Variants in WWTR1 observed in about 807,000 individuals in gnomAD.
WWTR1 encodes the protein WW domain-containing transcription regulator protein 1.
Under a neutral mutation model 40.1 loss-of-function variants are expected in WWTR1, and 13 were observed. That is an observed-to-expected ratio of 0.32 (90% CI 0.21 to 0.52). The LOEUF is 0.52. Among genes scored for constraint, WWTR1 ranks in the 20% least tolerant of loss-of-function variants. The pLI, the probability that WWTR1 is intolerant of heterozygous loss-of-function variation, is 0.97. For synonymous variants in WWTR1, 230 were observed against 210.1 expected (o/e 1.09, Z -0.82); for missense variants, 436 against 523.1 (o/e 0.83, Z 1.63).
At chr3:149,674,682 T>C (rs1714203825) in intron 1 of WWTR1, among the ~76,000 whole-genome samples, 1 of 152,180 alleles carries the variant, frequency 6.6e-6, no homozygotes, top group Non-Finnish European at 1.5e-5. Flanking sequence ...TACACCTCCT[T>C]AGAAAGTTAC....
chr3:149,723,613 A>G (rs1404260624), intron 4 of WWTR1, among the ~76,000 whole-genome samples: 4 of 152,148 alleles, frequency 2.6e-5, no homozygotes, highest in Non-Finnish European at 5.9e-5. Context: ...CTGGGTATAC[A>G]TGATGATTTT....
intron 2 of WWTR1, among the ~76,000 whole-genome samples, chr3:149,607,213 T>C (rs537037912): frequency 1.8e-4 from 27 of 152,332 alleles, no homozygotes; most frequent in Non-Finnish European, 3.2e-4. Context: ...ATGTGAAATC[T>C]TTTTTTATGA....
At chr3:149,704,849 A>T (rs1011040002), upstream of WWTR1, among the ~76,000 whole-genome samples, 3 of 139,812 alleles carry the variant, frequency 2.1e-5, no homozygotes, top group Non-Finnish European at 4.8e-5. Context: ...CACAAAAGTT[A>T]AAAAAAAAAA....
intron 3 of WWTR1, among the ~76,000 whole-genome samples, chr3:149,544,068 G>A (rs1168656801): frequency 6.6e-6 from 1 of 151,732 alleles, no homozygotes. Context: ...ACGCCTGGTG[G>A]CTTAAGTTAA....
intron 3 of WWTR1, among the ~76,000 whole-genome samples, chr3:149,563,175 T>C (rs1737163768): frequency 6.6e-6 from 1 of 152,032 alleles, no homozygotes; most frequent in South Asian, 2.1e-4. Flanking sequence ...GAAATTAGAC[T>C]CCATTACAAA....
intron 4 of WWTR1, among the ~76,000 whole-genome samples, chr3:149,721,024 AG>A (rs1307826954): frequency 5.3e-5 from 8 of 152,096 alleles, no homozygotes; most frequent in Admixed American, 5.2e-4. Context: ...TGGAATCTTC[AG>A]GGTTTTCTAC....
chr3:149,536,096 G>A (rs576093249), intron 4 of WWTR1, among the ~76,000 whole-genome samples: 1 of 152,270 alleles, frequency 6.6e-6, no homozygotes, highest in African/African-American at 2.4e-5. Flanking sequence ...TTTGGAAAAT[G>A]GATTATTTCT....
At chr3:149,696,169 A>G (rs999872013) in intron 1 of WWTR1, among the ~76,000 whole-genome samples, 1 of 150,960 alleles carries the variant, frequency 6.6e-6, no homozygotes, top group Non-Finnish European at 1.5e-5. Flanking sequence ...GTCTTTAAGG[A>G]AACTGGTGTA....
chr3:149,553,838 T>C (rs1456106118), intron 3 of WWTR1, among the ~76,000 whole-genome samples: 4 of 152,024 alleles, frequency 2.6e-5, no homozygotes, highest in African/African-American at 9.7e-5. Context: ...CAACGTCAGG[T>C]GTCACGCAGC....
chr3:149,606,067 T>C (rs1217549917), intron 2 of WWTR1, among the ~76,000 whole-genome samples: 2 of 152,200 alleles, frequency 1.3e-5, no homozygotes, highest in Admixed American at 1.3e-4. Context: ...TTATCCCTTC[T>C]ACCATATGAT....
At chr3:149,560,379 C>T (rs1737031691) in intron 3 of WWTR1, among the ~76,000 whole-genome samples, 1 of 152,114 alleles carries the variant, frequency 6.6e-6, no homozygotes, top group African/African-American at 2.4e-5. Flanking sequence ...AAGGGGCAGC[C>T]CTAGGCTGCA....
intron 2 of WWTR1, among the ~76,000 whole-genome samples, chr3:149,666,092 A>G (rs1432477945): frequency 2.6e-5 from 4 of 151,572 alleles, no homozygotes; most frequent in African/African-American, 7.3e-5. Context: ...ATTTCACTCA[A>G]CTCCTCCCTT....
chr3:149,690,188 C>T (rs1186109011), intron 1 of WWTR1, among the ~76,000 whole-genome samples: 1 of 151,656 alleles, frequency 6.6e-6, no homozygotes, highest in Non-Finnish European at 1.5e-5. Flanking sequence ...ATCATTTTCA[C>T]AAAAAGGAAG....
intron 3 of WWTR1, among the ~76,000 whole-genome samples, chr3:149,562,877 G>T (rs1737149214): frequency 6.6e-6 from 1 of 152,086 alleles, no homozygotes; most frequent in Admixed American, 6.6e-5. Flanking sequence ...TGGTACCTGG[G>T]TGGGAGAGGT....
chr3:149,696,112 CAAAAAAAAAAA>C (rs368629673), intron 1 of WWTR1, among the ~76,000 whole-genome samples: 1 of 77,140 alleles, frequency 1.3e-5, no homozygotes, highest in Non-Finnish European at 2.3e-5. Context: ...GACTCTGTCT[CAAAAAAAAAAA>C]AAAAAAAAAA....
At chr3:149,577,353 T>G (rs1737931135) in intron 2 of WWTR1, among the ~76,000 whole-genome samples, 1 of 151,792 alleles carries the variant, frequency 6.6e-6, no homozygotes. Context: ...TTCCTCGACT[T>G]AAAAAAAAGA....
chr3:149,686,543 A>G (rs980921073), intron 1 of WWTR1, among the ~76,000 whole-genome samples: 2 of 152,138 alleles, frequency 1.3e-5, no homozygotes, highest in Non-Finnish European at 2.9e-5. Context: ...CTCTCTATAT[A>G]TATATAAATA....
At chr3:149,721,731 G>GCTTTT (rs1300938245) in intron 4 of WWTR1, among the ~76,000 whole-genome samples, 1 of 151,994 alleles carries the variant, frequency 6.6e-6, no homozygotes, top group African/African-American at 2.4e-5. Flanking sequence ...CAGATCCAGG[G>GCTTTT]CTTTTCTTTT....
intron 2 of WWTR1, among the ~76,000 whole-genome samples, chr3:149,640,717 G>C (rs1291461762): frequency 6.6e-6 from 1 of 151,898 alleles, no homozygotes; most frequent in Non-Finnish European, 1.5e-5. Context: ...CACCGAGCCC[G>C]ACCAGAATCA....
Sources: gnomAD v4.1 joint callset for allele counts (sites outside exome capture counted in the v4.1 genomes callset) on GRCh38, gnomAD v4.1.1 for gene constraint, MANE v1.5 for transcripts, NCBI Gene and HGNC (gene_info 2026-07-23, HGNC 2026-07-21) for gene names.